Variants in BRINP2 observed in about 807,000 individuals in gnomAD.
BRINP2 encodes BMP/retinoic acid-inducible neural-specific protein 2.
In BRINP2, 21 loss-of-function variants were observed where a neutral mutation model predicts 69.2. That is an observed-to-expected ratio of 0.30 (90% CI 0.22 to 0.44). BRINP2 has a LOEUF of 0.44. Ranked by LOEUF, BRINP2 falls within the 20% of genes least tolerant of loss-of-function variation. The probability of loss-of-function intolerance (pLI) is 1.00; values close to 1 mark genes in which losing one functional copy is unlikely to be tolerated. For synonymous variants in BRINP2, 380 were observed against 394.1 expected (o/e 0.96, Z 0.42); for missense variants, 877 against 986.0 (o/e 0.89, Z 1.48).
chr1:177,244,425 G>A (rs1309019266), intron 2 of BRINP2, among the ~76,000 whole-genome samples: 2 of 152,142 alleles, frequency 1.3e-5, no homozygotes, highest in African/African-American at 4.8e-5. Flanking sequence ...TTTAACTATT[G>A]CTACAATGAT....
intron 1 of BRINP2, among the ~76,000 whole-genome samples, chr1:177,183,962 T>G (rs1648340833): frequency 1.3e-5 from 2 of 152,152 alleles, no homozygotes; most frequent in South Asian, 4.1e-4. Context: ...GAGAAATAAT[T>G]ATGAAAACTT....
intron 2 of BRINP2, among the ~76,000 whole-genome samples, chr1:177,253,522 C>T (rs564232371): frequency 6.6e-6 from 1 of 152,256 alleles, no homozygotes; most frequent in African/African-American, 2.4e-5. Context: ...CTTTGCTATG[C>T]AGGAGCTTTT....
chr1:177,266,398 G>A (rs1282784216), intron 4 of BRINP2, among the ~76,000 whole-genome samples: 3 of 151,978 alleles, frequency 2.0e-5, no homozygotes, highest in East Asian at 1.9e-4. Flanking sequence ...GGCACTTGCT[G>A]TTTGCTTTAC....
chr1:177,257,475 G>A (rs867884298), intron 4 of BRINP2, 91 bp downstream of exon 4: 2 of 1,243,222 alleles, frequency 1.6e-6, no homozygotes, highest in Non-Finnish European at 1.1e-6. Flanking sequence ...AGGTCAGCTG[G>A]GCCGACTGAT....
At chr1:177,278,978 G>C (rs910116343) in intron 7 of BRINP2, among the ~76,000 whole-genome samples, 193 bp downstream of exon 7, 1 of 152,218 alleles carries the variant, frequency 6.6e-6, no homozygotes, top group Non-Finnish European at 1.5e-5. Flanking sequence ...GAGAAAAAAA[G>C]ATGGGCTGAT....
intron 1 of BRINP2, among the ~76,000 whole-genome samples, chr1:177,180,223 G>T (rs1342943639): frequency 6.6e-6 from 1 of 152,166 alleles, no homozygotes; most frequent in Non-Finnish European, 1.5e-5. Flanking sequence ...AAAGCATAGA[G>T]GAGCAACCAA....
chr1:177,256,753 G>A (rs967749354), intron 3 of BRINP2: 5 of 1,085,572 alleles, frequency 4.6e-6, no homozygotes, highest in East Asian at 7.0e-5. Context: ...GCCAGCTGTC[G>A]GCACGCGGCA....
intron 4 of BRINP2, among the ~76,000 whole-genome samples, 169 bp downstream of exon 4, chr1:177,257,553 C>T (rs1277220560): frequency 6.6e-6 from 1 of 152,124 alleles, no homozygotes; most frequent in African/African-American, 2.4e-5. Context: ...TCATTCATTC[C>T]ACTGCAGACA....
rs535197966 is a variant in BRINP2 at position 177,229,924 on chromosome 1, G to T, written c.48G>T (p.Val16=). 18 of 1,609,256 alleles carry T rather than the reference G, an allele frequency of 1.1e-5. No individual in the cohort carries two copies. The South Asian group carries it at 2.0e-4, about 18-fold the overall frequency. The change falls in exon 2 of 8, where the codon GTG becomes GTT. Residue 16 remains valine (V), a synonymous_variant. Transcript: ENST00000361539. ...GTRFRGLRPA[V]APWTALLALG... is the part of the protein sequence containing the mutation. The stretch of plus-strand genomic sequence containing the variant: ...GGTTTAGAGGGCTTCGGCCGGCGGT[G>T]GCCCCATGGACAGCCCTGCTGGCAC...
At chr1:177,233,389 T>C (rs148016575) in intron 2 of BRINP2, among the ~76,000 whole-genome samples, 1,638 of 152,290 alleles carry the variant, frequency 0.011, 33 homozygotes, top group African/African-American at 0.037. Flanking sequence ...GCCTATCTAA[T>C]GGATTAAGGT....
chr1:177,219,058 A>G (rs867507061), intron 1 of BRINP2, among the ~76,000 whole-genome samples: 3 of 152,372 alleles, frequency 2.0e-5, no homozygotes, highest in Middle Eastern at 3.4e-3. Context: ...TAATAACTGA[A>G]GAGAGAGCTT....
chr1:177,257,745 G>A (rs573955675), intron 4 of BRINP2, among the ~76,000 whole-genome samples: 1 of 152,308 alleles, frequency 6.6e-6, no homozygotes, highest in African/African-American at 2.4e-5. Flanking sequence ...CGTGGGGAGG[G>A]AGCAGCTCAT....
At chr1:177,241,324 A>T (rs79187579) in intron 2 of BRINP2, among the ~76,000 whole-genome samples, 5,610 of 152,238 alleles carry the variant, frequency 0.037, 341 homozygotes, top group African/African-American at 0.13. Context: ...ATCTTTTGGA[A>T]ATCGAATCAT....
At chr1:177,215,829 G>T (rs1368641936) in intron 1 of BRINP2, among the ~76,000 whole-genome samples, 1 of 151,998 alleles carries the variant, frequency 6.6e-6, no homozygotes, top group African/African-American at 2.4e-5. Flanking sequence ...CCACTGTGGG[G>T]TCATATGAAT....
At chr1:177,187,463 A>T (rs1326773030) in intron 1 of BRINP2, among the ~76,000 whole-genome samples, 1 of 152,152 alleles carries the variant, frequency 6.6e-6, no homozygotes, top group Non-Finnish European at 1.5e-5. Flanking sequence ...TCACTTACCA[A>T]AATGGGTCCT....
chr1:177,202,496 A>G (rs1369515792), intron 1 of BRINP2, among the ~76,000 whole-genome samples: 2 of 152,138 alleles, frequency 1.3e-5, no homozygotes, highest in Non-Finnish European at 2.9e-5. Context: ...TTCAGTTTCC[A>G]TGTAGTTGAG....
intron 1 of BRINP2, among the ~76,000 whole-genome samples, chr1:177,221,173 T>C (rs956341653): frequency 1.3e-5 from 2 of 152,232 alleles, no homozygotes; most frequent in Admixed American, 6.5e-5. Flanking sequence ...TATTGGCTTC[T>C]CTGTTCCTGA....
intron 5 of BRINP2, among the ~76,000 whole-genome samples, chr1:177,275,456 T>C (rs1651461098): frequency 1.3e-5 from 2 of 152,170 alleles, no homozygotes; most frequent in Admixed American, 1.3e-4. Context: ...CCCAGTTATA[T>C]AGTATTAGCT....
At chr1:177,251,493 C>A (rs368051923) in intron 2 of BRINP2, among the ~76,000 whole-genome samples, 18 of 152,170 alleles carry the variant, frequency 1.2e-4, no homozygotes, top group African/African-American at 3.9e-4. Flanking sequence ...GTTTTAAGCA[C>A]AACTCTGTCA....
Sources: gnomAD v4.1 joint callset for allele counts (sites outside exome capture counted in the v4.1 genomes callset) on GRCh38, gnomAD v4.1.1 for gene constraint, MANE v1.5 for transcripts, NCBI Gene and HGNC (gene_info 2026-07-23, HGNC 2026-07-21) for gene names.